LRRTM4: variants seen among roughly 807,000 people sequenced by gnomAD.
LRRTM4 encodes the protein leucine rich repeat transmembrane neuronal 4.
LRRTM4 carries 25 observed loss-of-function variants against 47.6 expected under a neutral mutation model. The ratio of observed to expected loss-of-function variants is 0.53; its 90% confidence interval spans 0.38 to 0.73. The LOEUF is 0.73. Among genes scored for constraint, LRRTM4 ranks in the 30% least tolerant of loss-of-function variants. The probability of loss-of-function intolerance (pLI) is 0.00; values close to 1 mark genes in which losing one functional copy is unlikely to be tolerated. For missense variants in LRRTM4, 638 were observed against 713.4 expected (o/e 0.89, Z 1.20); for synonymous variants, 311 against 269.5 (o/e 1.15, Z -1.51).
chr2:76,909,403 C>T (rs1040903229), intron 3 of LRRTM4, among the ~76,000 whole-genome samples: 18 of 152,026 alleles, frequency 1.2e-4, no homozygotes, highest in African/African-American at 4.1e-4. Flanking sequence ...AGAAGAAAAC[C>T]TAGGCATTAC....
chr2:76,768,449 A>G (rs1311692682), intron 3 of LRRTM4, among the ~76,000 whole-genome samples: 2 of 152,140 alleles, frequency 1.3e-5, no homozygotes, highest in Non-Finnish European at 2.9e-5. Context: ...TAAAGCATGC[A>G]AAAGAACTAC....
chr2:77,244,665 T>C (rs960325967), intron 3 of LRRTM4, among the ~76,000 whole-genome samples: 1 of 151,884 alleles, frequency 6.6e-6, no homozygotes, highest in Admixed American at 6.6e-5. Flanking sequence ...TCATAAGAAA[T>C]AAAATGTGGC....
intron 3 of LRRTM4, among the ~76,000 whole-genome samples, chr2:77,106,498 A>T (rs927514161): frequency 6.6e-6 from 1 of 152,114 alleles, no homozygotes; most frequent in South Asian, 2.1e-4. Flanking sequence ...TTTGGCTGAT[A>T]TATCTTTGAG....
chr2:76,936,438 G>A (rs1423332986), intron 3 of LRRTM4, among the ~76,000 whole-genome samples: 5 of 151,782 alleles, frequency 3.3e-5, no homozygotes, highest in Non-Finnish European at 7.4e-5. Flanking sequence ...GGCCTGTTGA[G>A]GGTGGGGGGT....
chr2:77,098,734 C>A (rs1670874563), intron 3 of LRRTM4, among the ~76,000 whole-genome samples: 1 of 151,696 alleles, frequency 6.6e-6, no homozygotes, highest in African/African-American at 2.4e-5. Flanking sequence ...ATCTATGTAA[C>A]ACATATTACT....
At chr2:77,149,981 C>A (rs1181301887) in intron 3 of LRRTM4, among the ~76,000 whole-genome samples, 3 of 152,084 alleles carry the variant, frequency 2.0e-5, no homozygotes, top group Non-Finnish European at 4.4e-5. Context: ...TTTCTCTAGG[C>A]AAGGCTGAAA....
At chr2:77,453,548 T>C (rs1180947107) in intron 3 of LRRTM4, among the ~76,000 whole-genome samples, 1 of 152,190 alleles carries the variant, frequency 6.6e-6, no homozygotes, top group Admixed American at 6.5e-5. Context: ...TCATTTGTGG[T>C]ATGTCTTAAG....
At chr2:77,488,443 G>A (rs1042396086) in intron 3 of LRRTM4, among the ~76,000 whole-genome samples, 4 of 152,158 alleles carry the variant, frequency 2.6e-5, no homozygotes, top group Admixed American at 2.0e-4. Context: ...TGCCAGTAGC[G>A]TGAGCAGACT....
intron 3 of LRRTM4, among the ~76,000 whole-genome samples, chr2:77,214,287 A>G (rs1323736318): frequency 6.6e-6 from 1 of 152,190 alleles, no homozygotes; most frequent in Non-Finnish European, 1.5e-5. Context: ...AACTCTGCAT[A>G]TTACTTATTA....
intron 3 of LRRTM4, among the ~76,000 whole-genome samples, chr2:76,794,645 C>T (rs1299667719): frequency 1.3e-5 from 2 of 152,110 alleles, no homozygotes; most frequent in Non-Finnish European, 2.9e-5. Context: ...CTAGTATTTA[C>T]ATTTTTTTGT....
At chr2:77,075,639 G>C (rs1680307570) in intron 3 of LRRTM4, among the ~76,000 whole-genome samples, 1 of 151,924 alleles carries the variant, frequency 6.6e-6, no homozygotes, top group South Asian at 2.1e-4. Context: ...AATGGGGCCG[G>C]GCGCGGTGGC....
At chr2:77,339,179 G>A (rs947012437) in intron 3 of LRRTM4, among the ~76,000 whole-genome samples, 1 of 151,842 alleles carries the variant, frequency 6.6e-6, no homozygotes, top group Admixed American at 6.6e-5. Context: ...GGGATCAACA[G>A]AAGCCCAAAT....
At chr2:77,507,529 AC>A (rs2104093989) in intron 3 of LRRTM4, among the ~76,000 whole-genome samples, 1 of 152,258 alleles carries the variant, frequency 6.6e-6, no homozygotes, top group African/African-American at 2.4e-5. Context: ...TGGTCAGATA[AC>A]CAAAGAGATT....
chr2:77,040,664 A>G (rs1236164873), intron 3 of LRRTM4, among the ~76,000 whole-genome samples: 1 of 151,406 alleles, frequency 6.6e-6, no homozygotes, highest in African/African-American at 2.4e-5. Flanking sequence ...AAAGTGACAT[A>G]TATATTGGGC....
intron 3 of LRRTM4, among the ~76,000 whole-genome samples, chr2:76,946,269 T>C (rs1031435655): frequency 7.9e-5 from 12 of 151,906 alleles, no homozygotes; most frequent in African/African-American, 2.7e-4. Flanking sequence ...GCATGATCTC[T>C]AGAGGGAATT....
At chr2:77,195,766 G>A (rs971936515) in intron 3 of LRRTM4, among the ~76,000 whole-genome samples, 1 of 152,104 alleles carries the variant, frequency 6.6e-6, no homozygotes, top group Non-Finnish European at 1.5e-5. Context: ...TAGGGTAGGA[G>A]TATGACCACA....
intron 3 of LRRTM4, among the ~76,000 whole-genome samples, chr2:76,993,822 C>T (rs2103999820): frequency 6.6e-6 from 1 of 152,006 alleles, no homozygotes; most frequent in East Asian, 1.9e-4. Context: ...TATTGAAGCA[C>T]CATTCACAAT....
intron 3 of LRRTM4, among the ~76,000 whole-genome samples, chr2:77,284,354 A>G (rs978636517): frequency 1.3e-5 from 2 of 152,170 alleles, no homozygotes; most frequent in African/African-American, 4.8e-5. Flanking sequence ...CTATTAATAG[A>G]AGCCCAAATT....
chr2:77,387,486 AC>A (rs1558719708), intron 3 of LRRTM4, among the ~76,000 whole-genome samples: 1 of 152,020 alleles, frequency 6.6e-6, no homozygotes, highest in African/African-American at 2.4e-5. Context: ...GGTTTCTTAC[AC>A]TCAAGGTCTC....
Sources: allele counts gnomAD v4.1 joint callset (sites outside exome capture counted in the v4.1 genomes callset), GRCh38; gene constraint gnomAD v4.1.1; transcripts MANE v1.5; gene names NCBI Gene and HGNC (gene_info 2026-07-23, HGNC 2026-07-21).